COL11A1: variants seen among roughly 807,000 people sequenced by gnomAD.
The protein encoded by COL11A1 is collagen type XI alpha 1 chain.
Under a neutral mutation model 265.2 loss-of-function variants are expected in COL11A1, and 74 were observed. The ratio of observed to expected loss-of-function variants is 0.28; its 90% confidence interval spans 0.23 to 0.34. The LOEUF is 0.34. Among genes scored for constraint, COL11A1 ranks in the 10% least tolerant of loss-of-function variants. The pLI, the probability that COL11A1 is intolerant of heterozygous loss-of-function variation, is 1.00. For missense variants in COL11A1, 2,165 were observed against 2,263.6 expected, an observed-to-expected ratio of 0.96 and a Z score of 0.88; for synonymous variants, 816 against 727.6, an observed-to-expected ratio of 1.12 and a Z score of -1.96.
Position 102,980,945 on chromosome 1 carries a change from C to G in COL11A1, c.2557-1510G>C, listed in dbSNP as rs181675860. ...AGCCAGGTGTAGAGTATTACCTACTCACAGGAGGTAACTATTTGGCCCTAT... is the reference window on the plus strand; with the variant it reads ...AGCCAGGTGTAGAGTATTACCTACTGACAGGAGGTAACTATTTGGCCCTAT... On this transcript the variant is annotated intron_variant, in intron 31 of 66. Transcript: ENST00000370096. 2.9e-3 allele frequency among the ~76,000 whole-genome samples: 446 copies of G among 152,210 alleles called. 2 individuals carry two copies. The highest frequency in any genetic ancestry group is 3.7e-3 in the Admixed American group (57 of 15,274).
chr1:102,948,726 A>G (rs1659569329), intron 41 of COL11A1, among the ~76,000 whole-genome samples: 1 of 151,848 alleles, frequency 6.6e-6, no homozygotes. Flanking sequence ...GATAATAAAC[A>G]TATACTTTTT....
chr1:102,929,099 G>C (rs1335764541), intron 46 of COL11A1, among the ~76,000 whole-genome samples: 1 of 145,458 alleles, frequency 6.9e-6, no homozygotes, highest in Non-Finnish European at 1.5e-5. Flanking sequence ...AGTTTAATTA[G>C]ATCCCATTTG....
chr1:103,025,877 G>T (rs532767648), intron 6 of COL11A1: 3 of 1,613,138 alleles, frequency 1.9e-6, no homozygotes, highest in East Asian at 4.5e-5. Flanking sequence ...GATTTGGGGG[G>T]TGTAAACTTT....
At chr1:103,097,489 CT>C (rs146192648) in intron 1 of COL11A1, among the ~76,000 whole-genome samples, 8,359 of 151,958 alleles carry the variant, frequency 0.055, 792 homozygotes, top group African/African-American at 0.19. Flanking sequence ...CTTTACTAAA[CT>C]TCTGTTTTGT....
At position 103,059,940 on chromosome 1, in the gene COL11A1, T is replaced by C. The variant is rs1250157147; in HGVS notation, c.651+14678A>G. On this transcript the variant is annotated intron_variant, in intron 4 of 66. Transcript: ENST00000370096. ...ATACAAGGAGAAAGAGAGAAAAGAATAGAACCAACATTTGAAGCAATAGTG... is the reference window on the plus strand; with the variant it reads ...ATACAAGGAGAAAGAGAGAAAAGAACAGAACCAACATTTGAAGCAATAGTG... Among the ~76,000 whole-genome samples the C allele has an allele frequency of 2.0e-5, 3 of 151,276 alleles. No homozygotes were observed. In the East Asian group the frequency reaches 5.9e-4, roughly 30 times the overall value.
rs528829276 is a variant in COL11A1, at chr1:103,032,618, A to T, written c.652-1374T>A. Among the ~76,000 whole-genome samples, 13 of 152,234 alleles carry T rather than the reference A, an allele frequency of 8.5e-5. No homozygotes were observed. In the East Asian group the frequency reaches 2.5e-3, roughly 29 times the overall value. On this transcript the variant is annotated intron_variant, in intron 4 of 66. Coordinates refer to ENST00000370096, the MANE Select transcript of COL11A1 (RefSeq NM_001854.4). Reference sequence around the variant, plus strand: ...AGTTAATTAGAATTGAGTATAAGTTATTTAATAAGAATTAAGATATTTAAT... The same window carrying T: ...AGTTAATTAGAATTGAGTATAAGTTTTTTAATAAGAATTAAGATATTTAAT...
At chr1:102,881,464 G>T (rs1057262505) in intron 65 of COL11A1, among the ~76,000 whole-genome samples, 1 of 151,992 alleles carries the variant, frequency 6.6e-6, no homozygotes, top group African/African-American at 2.4e-5. Context: ...TGCATGATTT[G>T]ATCCTTGTTT....
At chr1:103,002,157 C>T (rs944433796) in intron 23 of COL11A1, among the ~76,000 whole-genome samples, 188 bp from the exon 24 acceptor site, 2 of 151,990 alleles carry the variant, frequency 1.3e-5, no homozygotes, top group Non-Finnish European at 2.9e-5. Flanking sequence ...TGCAAAGGGA[C>T]TATAATGCGA....
chr1:103,002,772 C>G lies in COL11A1; in HGVS notation c.2018G>C (p.Gly673Ala), dbSNP rs765120248. Residue 673 changes from glycine (G) to alanine (A), a missense_variant, in exon 22 of 67, where the codon GGC (glycine) becomes GCC (alanine). Physicochemically the swap from Gly to Ala is moderately conservative, Grantham distance 60. Transcript: ENST00000370096. ...PGQPGMAGVD[G>A]PPGPKGNMGP... ...CATGTTCCCTTTTGGTCCTGGGGGG[C>G]CATCTACACCTGCCATACCCTGCAA... The G allele has an allele frequency of 1.2e-6, 2 of 1,610,806 alleles. No individual in the cohort carries two copies. The highest frequency in any genetic ancestry group is 1.7e-6 in the Non-Finnish European group (2 of 1,178,340).
rs1434687923 is a variant in COL11A1, at chr1:102,974,751, A to G, written c.2808+79T>C. 1.1e-5 allele frequency: 12 copies of G among 1,052,076 alleles called. No homozygotes were observed. The East Asian group carries it at 2.2e-4, about 19-fold the overall frequency. The allele number at this position is 1,052,076 out of a possible 1,614,324, so 65.2% of individuals were successfully genotyped here. On this transcript the variant is annotated intron_variant, in intron 36 of 66. Coordinates refer to ENST00000370096, the MANE Select transcript of COL11A1 (RefSeq NM_001854.4). ...ATTTTATCAATATTATATCTAACAAATATATAAATGTAAGCTGTGACTCTC... is the reference window on the plus strand; with the variant it reads ...ATTTTATCAATATTATATCTAACAAGTATATAAATGTAAGCTGTGACTCTC...
At chr1:103,025,816 G>T (rs776757350) in intron 6 of COL11A1, 4 of 1,613,204 alleles carry the variant, frequency 2.5e-6, no homozygotes, top group Non-Finnish European at 3.4e-6. Flanking sequence ...CCCTAGTTTG[G>T]CTTTTGCTGA....
At chr1:102,975,501 T>C (rs1032544963) in intron 35 of COL11A1, among the ~76,000 whole-genome samples, 2 of 152,120 alleles carry the variant, frequency 1.3e-5, no homozygotes, top group African/African-American at 2.4e-5. Flanking sequence ...TGTGTAGTTA[T>C]TAACGTTCAG....
At position 102,912,023 on chromosome 1, in the gene COL11A1, T is replaced by G. The variant is rs918735173; in HGVS notation, c.4086+136A>C. 4.1e-6 allele frequency: 3 copies of G among 738,122 alleles called. No individual in the cohort carries two copies. In the African/African-American group the frequency reaches 5.4e-5, roughly 13 times the overall value. 45.7% of individuals were successfully genotyped at this position (738,122 alleles called of 1,614,324 possible). A position where few individuals can be genotyped will look rare whatever the true frequency, so the allele number is the denominator to read the frequency against. On this transcript the variant is annotated intron_variant, in intron 54 of 66. Transcript: ENST00000370096. ...CTATTTTAGTTATTATTTGGCACATTTAAAAATTGTTTTTAGGATTTATGA... is the reference window on the plus strand; with the variant it reads ...CTATTTTAGTTATTATTTGGCACATGTAAAAATTGTTTTTAGGATTTATGA...
In COL11A1 at chr1:103,089,931, C is replaced by A. The variant is rs1339391887; in HGVS notation, c.107-6959G>T. 6.6e-5 allele frequency among the ~76,000 whole-genome samples: 10 copies of A among 152,226 alleles called. No homozygotes were observed. In the South Asian group the frequency reaches 2.1e-3, roughly 32 times the overall value. On this transcript the variant is annotated intron_variant, in intron 1 of 66. Coordinates refer to ENST00000370096, the MANE Select transcript of COL11A1 (RefSeq NM_001854.4). ...ACGAGGTCAGGAGTTCAAGTCCAGC[C>A]TGGCCAACATGGCGAAACCCTGTCT...
At chr1:103,018,962 A>C in intron 9 of COL11A1, 103 bp from the exon 10 acceptor site, 1 of 895,290 alleles carries the variant, frequency 1.1e-6, no homozygotes, top group Non-Finnish European at 1.8e-6. Context: ...TTAAATAGTG[A>C]ATTATCTATT....
chr1:103,031,200 T>A lies in COL11A1; in HGVS notation c.696A>T (p.Ala232=), dbSNP rs757477590. The change falls in exon 5 of 67, where the codon GCA becomes GCT. Residue 232 remains alanine (A), a synonymous_variant. Coordinates refer to ENST00000370096, the MANE Select transcript of COL11A1 (RefSeq NM_001854.4). ...GACTATAATGCTCACAGTAGTCATA[T>A]GCTGCCTTGGGATCACCTGTGATCA... ...QFLITGDPKA[A]YDYCEHYSPD... The A allele has an allele frequency of 1.6e-5, 26 of 1,610,696 alleles. No homozygotes were observed. The highest frequency in any genetic ancestry group is 2.2e-5 in the Non-Finnish European group (26 of 1,179,610).
intron 4 of COL11A1, among the ~76,000 whole-genome samples, chr1:103,060,436 T>A (rs537294009): frequency 1.3e-5 from 2 of 152,232 alleles, no homozygotes; most frequent in Admixed American, 1.3e-4. Context: ...TAAGTGAAGG[T>A]AAAATATTTT....
At chr1:102,970,140 TA>T (rs1360169781) in intron 37 of COL11A1, 78 bp downstream of exon 37, 2 of 1,154,784 alleles carry the variant, frequency 1.7e-6, no homozygotes, top group Admixed American at 3.5e-5. Context: ...GAAATGTTCA[TA>T]ATAAAGTAGC....
chr1:103,067,542 A>T lies in COL11A1; in HGVS notation c.651+7076T>A, dbSNP rs186641757. 5.9e-5 allele frequency among the ~76,000 whole-genome samples: 9 copies of T among 151,974 alleles called. No homozygotes were observed. The East Asian group carries it at 1.7e-3, about 29-fold the overall frequency. On this transcript the variant is annotated intron_variant, in intron 4 of 66. Transcript: ENST00000370096. ...ATACTGGGAAAAAAGCAAATCTCGAAGTAATAACCCTATACTTTGAGAGGC... is the reference window on the plus strand; with the variant it reads ...ATACTGGGAAAAAAGCAAATCTCGATGTAATAACCCTATACTTTGAGAGGC...
Sources: gnomAD v4.1 joint callset for allele counts (sites outside exome capture counted in the v4.1 genomes callset) on GRCh38, gnomAD v4.1.1 for gene constraint, MANE v1.5 for transcripts, NCBI Gene and HGNC (gene_info 2026-07-23, HGNC 2026-07-21) for gene names.